OPHN1: variants seen among roughly 807,000 people sequenced by gnomAD.
The protein encoded by OPHN1 is oligophrenin 1.
OPHN1 carries 11 observed loss-of-function variants against 60.7 expected under a neutral mutation model. That is an observed-to-expected ratio of 0.18 (90% CI 0.11 to 0.30). The LOEUF (loss-of-function observed/expected upper bound fraction) is 0.30, where lower values mean the gene tolerates loss of function less well. Ranked by LOEUF, OPHN1 falls within the 10% of genes least tolerant of loss-of-function variation. The pLI, the probability that OPHN1 is intolerant of heterozygous loss-of-function variation, is 1.00. For missense variants in OPHN1, 449 were observed against 611.0 expected, an observed-to-expected ratio of 0.73 and a Z score of 2.80; for synonymous variants, 226 against 222.6, an observed-to-expected ratio of 1.02 and a Z score of -0.14.
At chrX:68,110,705 C>T (rs1415641355) in intron 18 of OPHN1, among the ~76,000 whole-genome samples, 4 of 112,333 alleles carry the variant, frequency 3.6e-5, no homozygotes, top group Non-Finnish European at 7.5e-5. Flanking sequence ...TTGGAGACCA[C>T]ATGCCTCTTA....
In OPHN1 at chrX:68,079,381, G is replaced by A. The variant is rs141433874; in HGVS notation, c.1687-6082C>T. Among the ~76,000 whole-genome samples, 13 of 111,950 alleles carry A rather than the reference G, an allele frequency of 1.2e-4. No individual in the cohort carries two copies. The East Asian group carries it at 3.4e-3, about 29-fold the overall frequency. Reference sequence around the variant, plus strand: ...CTGCCCACATCACTCCTCTGTAACTGTTTTTACAATGATCACCACTGGCCT... The same window carrying A: ...CTGCCCACATCACTCCTCTGTAACTATTTTTACAATGATCACCACTGGCCT... On this transcript the variant is annotated intron_variant, in intron 19 of 24. Transcript: ENST00000355520.
At chrX:68,156,226 C>G (rs1359077319) in intron 15 of OPHN1, among the ~76,000 whole-genome samples, 2 of 106,573 alleles carry the variant, frequency 1.9e-5, no homozygotes, top group African/African-American at 3.5e-5. Context: ...CAACCTAAAT[C>G]AGAATCACTT....
intron 18 of OPHN1, among the ~76,000 whole-genome samples, chrX:68,105,049 T>C (rs1026611368): frequency 2.7e-5 from 3 of 111,825 alleles, no homozygotes; most frequent in East Asian, 5.6e-4. Flanking sequence ...AAGAAACATA[T>C]GAAAGAAAGC....
intron 2 of OPHN1, among the ~76,000 whole-genome samples, chrX:68,307,288 A>AAAAAAT (rs1555969329): frequency 3.8e-5 from 4 of 105,643 alleles, no homozygotes; most frequent in African/African-American, 1.4e-4. Context: ...ACCAAAAAAA[A>AAAAAAT]AATAATAATA....
intron 5 of OPHN1, among the ~76,000 whole-genome samples, chrX:68,249,363 A>G (rs888535114): frequency 8.9e-6 from 1 of 112,110 alleles, no homozygotes; most frequent in Non-Finnish European, 1.9e-5. Flanking sequence ...TGCCCAACCA[A>G]AAGTCTAAGG....
chrX:68,288,094 A>G (rs2078053870), intron 3 of OPHN1, among the ~76,000 whole-genome samples: 1 of 112,139 alleles, frequency 8.9e-6, no homozygotes, highest in South Asian at 3.7e-4. Context: ...GCAAATGCCT[A>G]GAGAAGTATG....
intron 20 of OPHN1, among the ~76,000 whole-genome samples, chrX:68,070,023 A>G (rs2076927139): frequency 9.0e-6 from 1 of 111,637 alleles, no homozygotes; most frequent in South Asian, 3.8e-4. Context: ...GTATGAAGGG[A>G]GGTTACTGAA....
chrX:68,249,140 T>C (rs189841564), intron 5 of OPHN1, among the ~76,000 whole-genome samples: 225 of 111,605 alleles, frequency 2.0e-3, no homozygotes, highest in Non-Finnish European at 2.5e-3. Flanking sequence ...AGGTGATGAA[T>C]ACCCCATTTA....
intron 15 of OPHN1, among the ~76,000 whole-genome samples, chrX:68,121,459 T>G (rs2077150245): frequency 9.0e-6 from 1 of 111,393 alleles, no homozygotes; most frequent in African/African-American, 3.3e-5. Flanking sequence ...GAAAGCAAAA[T>G]CAGGCTGAAC....
At chrX:68,384,729 A>G (rs1204183698) in intron 2 of OPHN1, among the ~76,000 whole-genome samples, 1 of 110,261 alleles carries the variant, frequency 9.1e-6, no homozygotes, top group African/African-American at 3.3e-5. Context: ...CTCAAAAAAA[A>G]AAAAAGAAGA....
chrX:68,066,356 A>G (rs2076913085), intron 20 of OPHN1, among the ~76,000 whole-genome samples: 1 of 111,661 alleles, frequency 9.0e-6, no homozygotes, highest in Non-Finnish European at 1.9e-5. Context: ...ATAGAGTAAC[A>G]TCACCATCTC....
chrX:68,254,016 G>T (rs1014059205), intron 5 of OPHN1, among the ~76,000 whole-genome samples: 1 of 111,681 alleles, frequency 9.0e-6, no homozygotes, highest in African/African-American at 3.3e-5. Flanking sequence ...TGCTGCCCAA[G>T]ACTATGGCTT....
intron 2 of OPHN1, among the ~76,000 whole-genome samples, chrX:68,313,762 A>T (rs2078184955): frequency 8.9e-6 from 1 of 112,100 alleles, no homozygotes; most frequent in African/African-American, 3.2e-5. Context: ...AGTTAGAATG[A>T]ATAAAATCTA....
intron 15 of OPHN1, among the ~76,000 whole-genome samples, chrX:68,173,897 A>G (rs1423387283): frequency 9.0e-6 from 1 of 111,578 alleles, no homozygotes; most frequent in Non-Finnish European, 1.9e-5. Flanking sequence ...ATATAAAAAA[A>G]CTAATCTATC....
At chrX:68,178,367 C>T (rs1280595205) in intron 15 of OPHN1, among the ~76,000 whole-genome samples, 1 of 111,505 alleles carries the variant, frequency 9.0e-6, no homozygotes, top group African/African-American at 3.3e-5. Context: ...GAAATTCTAC[C>T]TTTATCATAC....
intron 15 of OPHN1, among the ~76,000 whole-genome samples, chrX:68,142,667 A>C (rs1476727960): frequency 8.9e-6 from 1 of 112,260 alleles, no homozygotes; most frequent in African/African-American, 3.2e-5. Context: ...GGATGTTGAC[A>C]CAGGTGATTA....
intron 15 of OPHN1, chrX:68,133,062 A>C: frequency 2.0e-6 from 1 of 504,154 alleles, no homozygotes. Flanking sequence ...CTCGGCAGCA[A>C]GCGGCGCCTT....
At chrX:68,183,442 G>A (rs1343143855) in intron 15 of OPHN1, among the ~76,000 whole-genome samples, 4 of 111,857 alleles carry the variant, frequency 3.6e-5, no homozygotes, top group East Asian at 2.8e-4. Context: ...TTACAAAGAC[G>A]AAGGTATCCC....
In OPHN1 at chrX:68,043,907, A is replaced by G. The variant is rs185127671; in HGVS notation, c.*3265T>C. On this transcript the variant is annotated 3_prime_UTR_variant, in exon 25 of 25. Coordinates refer to ENST00000355520, the MANE Select transcript of OPHN1 (RefSeq NM_002547.3). ...GATGTCACCAGTCTCTTAGGCTGAAACTGAAACTGCCCATGCTACAACCTT... is the reference window on the plus strand; with the variant it reads ...GATGTCACCAGTCTCTTAGGCTGAAGCTGAAACTGCCCATGCTACAACCTT... 3.5e-4 allele frequency: 39 copies of G among 111,776 alleles called. No homozygotes were observed. Among genetic ancestry groups the G allele is most frequent in the African/African-American group, 1.2e-3 (36 of 30,763 alleles). The allele number at this position is 111,776 out of a possible 1,213,427, so 9.2% of individuals were successfully genotyped here.
Sources: gnomAD v4.1 joint callset for allele counts (sites outside exome capture counted in the v4.1 genomes callset) on GRCh38, gnomAD v4.1.1 for gene constraint, MANE v1.5 for transcripts, NCBI Gene and HGNC (gene_info 2026-07-23, HGNC 2026-07-21) for gene names.